Variants in NLRP1 observed in about 807,000 individuals in gnomAD.
NLRP1 encodes the protein NLR family pyrin domain containing 1, also known as NACHT, LRR and PYD domains-containing protein 1.
NLRP1 carries 94 observed loss-of-function variants against 136.7 expected under a neutral mutation model. That is an observed-to-expected ratio of 0.69 (90% CI 0.58 to 0.82). NLRP1 has a LOEUF of 0.82. Ranked by LOEUF, NLRP1 falls within the 40% of genes least tolerant of loss-of-function variation. The probability of loss-of-function intolerance (pLI) is 0.00; values close to 1 mark genes in which losing one functional copy is unlikely to be tolerated. For missense variants in NLRP1, 1,575 were observed against 1,802.7 expected (o/e 0.87, Z 2.29); for synonymous variants, 690 against 725.1 (o/e 0.95, Z 0.78).
rs374275318 is a variant in NLRP1 at position 5,559,518 on chromosome 17, G to A, written c.1178C>T (p.Ala393Val). ...CCTAGACAGGATCTGTCTAATGGGA[G>A]CCGGAGTGGCTGTCCCATCTTTTCC... is the stretch of plus-strand genomic sequence containing the variant. Reference protein sequence around the residue: ...LIGKDGTATPAPIRQILSRPE... With the variant: ...LIGKDGTATPVPIRQILSRPE... The change falls in exon 4 of 17, where the codon GCT becomes GTT. Residue 393 changes from alanine (A) to valine (V), a missense_variant. By Grantham distance (64) the Ala-to-Val change is moderately conservative. Coordinates refer to ENST00000572272, the MANE Select transcript of NLRP1 (RefSeq NM_033004.4). 6.2e-7 allele frequency: 1 copy of A among 1,614,182 alleles called. No homozygotes were observed. Among genetic ancestry groups the A allele is most frequent in the Non-Finnish European group, 8.5e-7 (1 of 1,180,004 alleles).
intron 12 of NLRP1, among the ~76,000 whole-genome samples, chr17:5,525,556 AGCT>A (rs1909426224): frequency 6.6e-6 from 1 of 151,822 alleles, no homozygotes; most frequent in Non-Finnish European, 1.5e-5. Context: ...GGCTCAGGTG[AGCT>A]GTTGAGGGGC....
chr17:5,520,611 T>C (rs574796002), intron 14 of NLRP1, among the ~76,000 whole-genome samples: 82 of 152,336 alleles, frequency 5.4e-4, no homozygotes, highest in Admixed American at 1.5e-3. Flanking sequence ...TGGTCTGGAC[T>C]GAAGGACATT....
intron 3 of NLRP1, among the ~76,000 whole-genome samples, chr17:5,578,660 G>C (rs1393515074): frequency 1.3e-5 from 2 of 152,344 alleles, no homozygotes; most frequent in Admixed American, 6.5e-5. Context: ...TACACTGTTG[G>C]TGGGACTGTA....
At chr17:5,555,534 G>A (rs982094509) in intron 4 of NLRP1, among the ~76,000 whole-genome samples, 2 of 151,894 alleles carry the variant, frequency 1.3e-5, no homozygotes, top group Non-Finnish European at 2.9e-5. Context: ...GGTTCCCTTT[G>A]CCTATCCCAG....
chr17:5,501,999 T>A, intron 15 of NLRP1: 4 of 822,128 alleles, frequency 4.9e-6, no homozygotes, highest in Non-Finnish European at 8.2e-6. Context: ...CCCTGCCTCC[T>A]GCAAGTGAAA....
chr17:5,540,402 G>T (rs1567646616), intron 6 of NLRP1, among the ~76,000 whole-genome samples: 1 of 152,124 alleles, frequency 6.6e-6, no homozygotes, highest in Non-Finnish European at 1.5e-5. Context: ...TCCTGTCTGG[G>T]GATCCTCTGC....
At chr17:5,539,795 T>A in intron 6 of NLRP1, 1 of 332,794 alleles carries the variant, frequency 3.0e-6, no homozygotes, top group Non-Finnish European at 4.3e-6. Flanking sequence ...TGCCAGCACC[T>A]ACCCTTTCTC....
rs1007863401 is a variant in NLRP1, at chr17:5,537,818, G to A, written c.2871-878C>T. ...AGCCCAGGTTTGACAGGTAAGTGTT[G>A]AGCTGGGGCCTGAAGCCATATCTGC... On this transcript the variant is annotated intron_variant, in intron 7 of 16. Coordinates refer to ENST00000572272, the MANE Select transcript of NLRP1 (RefSeq NM_033004.4). This position sits in a 1 kb window ranked among gnomAD's most constrained non-coding sequence, Gnocchi z 4.5. Among the ~76,000 whole-genome samples the A allele has an allele frequency of 2.0e-5, 3 of 152,206 alleles. No homozygotes were observed. The highest frequency in any genetic ancestry group is 4.4e-5 in the Non-Finnish European group (3 of 68,042).
chr17:5,532,456 G>C (rs1245308781), intron 11 of NLRP1, among the ~76,000 whole-genome samples: 5 of 152,064 alleles, frequency 3.3e-5, no homozygotes, highest in Non-Finnish European at 7.4e-5. Flanking sequence ...AAATATTTAA[G>C]GGTAAAATCA....
At chr17:5,568,403 G>T (rs1318267278) in intron 3 of NLRP1, among the ~76,000 whole-genome samples, 3 of 152,000 alleles carry the variant, frequency 2.0e-5, no homozygotes, top group African/African-American at 7.2e-5. Context: ...ATTTCTGTTT[G>T]ATTATTTTTA....
chr17:5,523,872 G>GA (rs1392948400), intron 12 of NLRP1, among the ~76,000 whole-genome samples: 3 of 152,160 alleles, frequency 2.0e-5, no homozygotes, highest in Non-Finnish European at 4.4e-5. Context: ...TCTATCATCT[G>GA]AAAAAATGAG....
At chr17:5,545,529 GACACAGACACAC>G (rs1358154601) in intron 5 of NLRP1, among the ~76,000 whole-genome samples, 5 of 134,870 alleles carry the variant, frequency 3.7e-5, no homozygotes, top group East Asian at 4.4e-4. Flanking sequence ...CACAGACACA[GACACAGACACAC>G]ACACAGACAC....
In NLRP1 at chr17:5,550,053, G is replaced by C. The variant is rs184977974; in HGVS notation, c.2528+3333C>G. ...GCATTCTTGGGATAAATCCCATTTG[G>C]TCATGGTCTACAATCCTTTTTATAT... On this transcript the variant is annotated intron_variant, in intron 5 of 16. Coordinates refer to ENST00000572272, the MANE Select transcript of NLRP1 (RefSeq NM_033004.4). Among the ~76,000 whole-genome samples, 81 of 152,166 alleles carry C rather than the reference G, an allele frequency of 5.3e-4. 1 individual carries two copies. The highest frequency in any genetic ancestry group is 1.3e-3 in the Admixed American group (20 of 15,296).
rs1913635159 is a variant in NLRP1, at chr17:5,553,453, TCAGCGAGTTTCCACTTAGGTC to T, written c.2440_2460del (p.Asp814_Leu820del). On this transcript the variant is annotated inframe_deletion, in exon 5 of 17. Coordinates refer to ENST00000572272, the MANE Select transcript of NLRP1 (RefSeq NM_033004.4). ...CAAAGACTCTTCACTGCAGAGTGGCTCAGCGAGTTTCCACTTAGGTCCAGCTCCTTCAGGTTTCTGGTGACC... is the reference window on the plus strand; with the variant it reads ...CAAAGACTCTTCACTGCAGAGTGGCTCAGCTCCTTCAGGTTTCTGGTGACC... 1 of 1,614,088 alleles carries T rather than the reference TCAGCGAGTTTCCACTTAGGTC, an allele frequency of 6.2e-7. No individual in the cohort carries two copies.
At chr17:5,538,138 C>T (rs1911330331) in intron 7 of NLRP1, among the ~76,000 whole-genome samples, 1 of 152,196 alleles carries the variant, frequency 6.6e-6, no homozygotes, top group Non-Finnish European at 1.5e-5. Flanking sequence ...GGTTTGGAGC[C>T]CCTGTCTGCT....
Position 5,582,115 on chromosome 17 carries a change from A to T in NLRP1, c.449-53T>A, listed in dbSNP as rs1282141922. 2.9e-6 allele frequency: 4 copies of T among 1,394,036 alleles called. No homozygotes were observed. In the East Asian group the frequency reaches 7.3e-5, roughly 26 times the overall value. The allele number at this position is 1,394,036 out of a possible 1,614,324, so 86.4% of individuals were successfully genotyped here. A position where few individuals can be genotyped will look rare whatever the true frequency, so the allele number is the denominator to read the frequency against. On this transcript the variant is annotated intron_variant, in intron 2 of 16. Coordinates refer to ENST00000572272, the MANE Select transcript of NLRP1 (RefSeq NM_033004.4). Reference sequence around the variant, plus strand: ...ATTTACTGAACATTTATTTTCTTTTAGGTGCATATATTTTAAACTCTCACA... The same window carrying T: ...ATTTACTGAACATTTATTTTCTTTTTGGTGCATATATTTTAAACTCTCACA...
chr17:5,539,167 T>C (rs12150032), intron 7 of NLRP1, among the ~76,000 whole-genome samples: 7,232 of 152,250 alleles, frequency 0.048, 197 homozygotes, highest in Middle Eastern at 0.082. Flanking sequence ...CACCACGCCC[T>C]GCCTGTCCTT....
chr17:5,520,741 A>T, intron 14 of NLRP1, 140 bp downstream of exon 14: 1 of 772,398 alleles, frequency 1.3e-6, no homozygotes, highest in Non-Finnish European at 1.9e-6. Flanking sequence ...AAGCATTCCC[A>T]CTTTCTCTAA....
At chr17:5,505,281 T>C (rs1907278286) in intron 15 of NLRP1, 2 of 152,428 alleles carry the variant, frequency 1.3e-5, no homozygotes, top group African/African-American at 2.4e-5. Flanking sequence ...CTGAGAGGCT[T>C]CTGGGAGCTC....
Sources: allele counts gnomAD v4.1 joint callset (sites outside exome capture counted in the v4.1 genomes callset), GRCh38; gene constraint gnomAD v4.1.1; non-coding constraint Gnocchi (gnomAD v3.1); transcripts MANE v1.5; gene names NCBI Gene and HGNC (gene_info 2026-07-23, HGNC 2026-07-21).